Variants in CHD1L observed in about 807,000 individuals in gnomAD.
CHD1L encodes the protein ATP-dependent chromatin remodeler CHD1L.
CHD1L carries 118 observed loss-of-function variants against 115.9 expected under a neutral mutation model. The observed-to-expected ratio is 1.02, with a 90% CI of 0.88 to 1.19. CHD1L has a LOEUF of 1.19. CHD1L is among the 50% of genes most tolerant of loss of function. The probability of loss-of-function intolerance (pLI) is 0.00; values close to 1 mark genes in which losing one functional copy is unlikely to be tolerated. For missense variants in CHD1L, 1,179 were observed against 1,065.3 expected, an observed-to-expected ratio of 1.11 and a Z score of -1.49; for synonymous variants, 411 against 387.1, an observed-to-expected ratio of 1.06 and a Z score of -0.72.
chr1:147,294,405 A>G lies in CHD1L; in HGVS notation c.2507-4A>G, dbSNP rs1686794599. ...GAAGACATGTGTTCTTCTCTTCATA[A>G]TAGCAAGTGTTCATCTTCCACGTAT... On this transcript the variant is annotated splice_polypyrimidine_tract_variant and splice_region_variant and intron_variant, in intron 21 of 22. Transcript: ENST00000369258. 1.2e-6 allele frequency: 2 copies of G among 1,607,114 alleles called. No individual in the cohort carries two copies. The highest frequency in any genetic ancestry group is 1.7e-5 in the Admixed American group (1 of 58,930).
the CHD1L span, chr1:147,179,339 G>A: frequency 6.2e-7 from 1 of 1,603,830 alleles, no homozygotes; most frequent in Non-Finnish European, 8.5e-7. Flanking sequence ...TGTGGTCACT[G>A]TAAGAACCTG....
the CHD1L span, chr1:147,203,153 A>G: frequency 9.1e-6 from 5 of 551,318 alleles, no homozygotes; most frequent in Non-Finnish European, 9.4e-6. Flanking sequence ...TTATTATAAC[A>G]TCCAGCCAAG....
At chr1:147,220,429 A>G in the CHD1L span, among the ~76,000 whole-genome samples, 1 of 152,164 alleles carries the variant, frequency 6.6e-6, no homozygotes, top group Admixed American at 6.5e-5. Flanking sequence ...CTATTTTAGA[A>G]TCCAAGCTAA....
At chr1:147,231,095 C>T in the CHD1L span, among the ~76,000 whole-genome samples, 93 of 151,990 alleles carry the variant, frequency 6.1e-4, no homozygotes, top group Non-Finnish European at 1.1e-3. Flanking sequence ...TTAATTGTGA[C>T]GTTAGGGTGT....
the CHD1L span, chr1:147,213,524 A>G: frequency 5.4e-6 from 8 of 1,488,890 alleles, no homozygotes; most frequent in African/African-American, 1.4e-5. Flanking sequence ...CTCTCCTTGC[A>G]TAGTGTTACA....
At chr1:147,207,407 A>G in the CHD1L span, among the ~76,000 whole-genome samples, 1 of 152,318 alleles carries the variant, frequency 6.6e-6, no homozygotes, top group Middle Eastern at 3.4e-3. Context: ...AAAAAGTTGG[A>G]GGGAAAATAA....
Position 147,275,782 on chromosome 1 carries a change from T to TAAAAAAA in CHD1L, c.1386-314_1386-308dup, listed in dbSNP as rs1344302937. 4.7e-4 allele frequency among the ~76,000 whole-genome samples: 66 copies of TAAAAAAA among 139,394 alleles called. 1 individual carries two copies. Among genetic ancestry groups the TAAAAAAA allele is most frequent in the Non-Finnish European group, 8.1e-4 (53 of 65,252 alleles). 91.4% of individuals were successfully genotyped at this position (139,394 alleles called of 152,430 possible). On this transcript the variant is annotated intron_variant, in intron 13 of 22. Transcript: ENST00000369258. ...GGGTTATGGGGCTATGGAGCTAAGCTAAAAAAAAAAAAAAGAAAGATAGAT... is the reference window on the plus strand; with the variant it reads ...GGGTTATGGGGCTATGGAGCTAAGCTAAAAAAAAAAAAAAAAAAAAAGAAAGATAGAT...
chr1:147,228,208 C>G, the CHD1L span, among the ~76,000 whole-genome samples: 5 of 150,394 alleles, frequency 3.3e-5, no homozygotes, highest in Non-Finnish European at 5.9e-5. Flanking sequence ...CCCTTCCTGT[C>G]TCCATGTGTT....
the CHD1L span, among the ~76,000 whole-genome samples, chr1:147,211,972 C>G: frequency 6.6e-6 from 1 of 152,192 alleles, no homozygotes; most frequent in African/African-American, 2.4e-5. Flanking sequence ...TGAAAAGTTT[C>G]CAATGATCAC....
chr1:147,243,659 G>A (rs1312240181), intron 1 of CHD1L, among the ~76,000 whole-genome samples: 1 of 152,126 alleles, frequency 6.6e-6, no homozygotes, highest in Non-Finnish European at 1.5e-5. Context: ...GGAACGTAGT[G>A]TGTGCTTTGA....
intron 12 of CHD1L, among the ~76,000 whole-genome samples, chr1:147,274,700 G>C (rs1677645605): frequency 6.6e-6 from 1 of 152,090 alleles, no homozygotes; most frequent in South Asian, 2.1e-4. Flanking sequence ...AGAGTGTTCT[G>C]AGCAAGCCTC....
intron 15 of CHD1L, among the ~76,000 whole-genome samples, 192 bp from the exon 16 acceptor site, chr1:147,284,159 C>T (rs1316565552): frequency 6.6e-6 from 1 of 152,162 alleles, no homozygotes; most frequent in Non-Finnish European, 1.5e-5. Context: ...AAAGTAAACA[C>T]ATGGGATCCC....
Position 147,286,188 on chromosome 1 carries a change from A to C in CHD1L, c.2019-110A>C, listed in dbSNP as rs1683059664. 5 of 1,050,070 alleles carry C rather than the reference A, an allele frequency of 4.8e-6. No homozygotes were observed. The South Asian group carries it at 8.2e-5, about 17-fold the overall frequency. 65.0% of individuals were successfully genotyped at this position (1,050,070 alleles called of 1,614,324 possible). A position where few individuals can be genotyped will look rare whatever the true frequency, so the allele number is the denominator to read the frequency against. On this transcript the variant is annotated intron_variant, in intron 17 of 22. Coordinates refer to ENST00000369258, the MANE Select transcript of CHD1L (RefSeq NM_004284.6). ...AAAACTTCAATCAGGGTGAGTTTCT[A>C]ATTGCATTTCTACTTGGCAGATATT...
chr1:147,178,561 A>G, the CHD1L span: 1 of 1,609,598 alleles, frequency 6.2e-7, no homozygotes, highest in Non-Finnish European at 8.5e-7. Context: ...GAAATTCATT[A>G]GTGATAAAGA....
the CHD1L span, chr1:147,213,361 A>G: frequency 4.3e-6 from 7 of 1,613,588 alleles, no homozygotes; most frequent in East Asian, 1.1e-4. Context: ...AGTGCAAACC[A>G]TGACTCCATC....
the CHD1L span, among the ~76,000 whole-genome samples, chr1:147,233,410 C>T: frequency 1.5e-4 from 23 of 150,040 alleles, no homozygotes; most frequent in Non-Finnish European, 2.8e-4. Context: ...CCGCCCCGTC[C>T]GGGAGGGAGG....
Position 147,284,359 on chromosome 1 carries a change from A to G in CHD1L, c.1714A>G (p.Met572Val), listed in dbSNP as rs1317953767. 1 of 1,569,264 alleles carries G rather than the reference A, an allele frequency of 6.4e-7. No homozygotes were observed. Among genetic ancestry groups the G allele is most frequent in the East Asian group, 2.2e-5 (1 of 44,504 alleles). Reference protein sequence around the residue: ...SRDQEEGKNHMYLFEGKDYSK... With the variant: ...SRDQEEGKNHVYLFEGKDYSK... Reference sequence around the variant, plus strand: ...GTGTTTTATGTTGTTAGAAAATCATATGTACTTATTTGAAGGTAAAGATTA... The same window carrying G: ...GTGTTTTATGTTGTTAGAAAATCATGTGTACTTATTTGAAGGTAAAGATTA... The change falls in exon 16 of 23, where the codon ATG becomes GTG. Residue 572 changes from methionine to valine, a missense_variant. By Grantham distance (21) the Met-to-Val change is conservative. Coordinates refer to ENST00000369258, the MANE Select transcript of CHD1L (RefSeq NM_004284.6).
the CHD1L span, among the ~76,000 whole-genome samples, chr1:147,231,084 T>A: frequency 1.3e-5 from 2 of 152,198 alleles, no homozygotes; most frequent in East Asian, 3.9e-4. Context: ...CTCTAGTTCT[T>A]TTAATTGTGA....
At chr1:147,237,071 T>C in the CHD1L span, among the ~76,000 whole-genome samples, 1 of 152,092 alleles carries the variant, frequency 6.6e-6, no homozygotes, top group East Asian at 1.9e-4. Flanking sequence ...CTCCCTCCCA[T>C]GCTGGCACCC....
Sources: allele counts gnomAD v4.1 joint callset (sites outside exome capture counted in the v4.1 genomes callset), GRCh38; gene constraint gnomAD v4.1.1; transcripts MANE v1.5; gene names NCBI Gene and HGNC (gene_info 2026-07-23, HGNC 2026-07-21).